Variants in LYSMD2 observed in about 807,000 individuals in gnomAD.
The protein encoded by LYSMD2 is lysM and putative peptidoglycan-binding domain-containing protein 2.
Under a neutral mutation model 17.7 loss-of-function variants are expected in LYSMD2, and 6 were observed. The ratio of observed to expected loss-of-function variants is 0.34; its 90% CI spans 0.19 to 0.67. The LOEUF is 0.67. LYSMD2 is among the 30% of genes least tolerant of loss of function. The pLI is 0.69. For synonymous variants in LYSMD2, 102 were observed against 129.8 expected, an observed-to-expected ratio of 0.79 and a Z score of 1.45; for missense variants, 237 against 286.7, an observed-to-expected ratio of 0.83 and a Z score of 1.25.
At chr15:51,740,982 A>G (rs769253840), upstream of LYSMD2, among the ~76,000 whole-genome samples, 4 of 152,252 alleles carry the variant, frequency 2.6e-5, no homozygotes, top group Non-Finnish European at 5.9e-5. Flanking sequence ...CTAATGTTAA[A>G]TTCATTAAAA....
intron 1 of LYSMD2, among the ~76,000 whole-genome samples, chr15:51,746,510 C>T (rs984981431): frequency 1.5e-4 from 23 of 152,218 alleles, no homozygotes; most frequent in African/African-American, 2.9e-4. Flanking sequence ...GTTTTGAAAA[C>T]GTTCTAAAGT....
upstream of LYSMD2, chr15:51,737,832 A>G (rs764229706): frequency 3.1e-4 from 101 of 324,566 alleles, no homozygotes; most frequent in Non-Finnish European, 5.3e-4. The surrounding 1 kb of genome is among the most constrained non-coding windows in gnomAD (Gnocchi z 4.2). Flanking sequence ...CGCCCGCGGC[A>G]CACGCACCTG....
Position 51,723,388 on chromosome 15 carries a change from C to T in LYSMD2, c.*219G>A, listed in dbSNP as rs1223215380. 4.2e-6 allele frequency: 2 copies of T among 478,682 alleles called. No individual in the cohort carries two copies. The highest frequency in any genetic ancestry group is 3.8e-5 in the Admixed American group (1 of 26,538). The allele number at this position is 478,682 out of a possible 1,614,324, so 29.7% of individuals were successfully genotyped here. A position where few individuals can be genotyped will look rare whatever the true frequency, so the allele number is the denominator to read the frequency against. On this transcript the variant is annotated 3_prime_UTR_variant, in exon 3 of 3. Coordinates refer to ENST00000267838, the MANE Select transcript of LYSMD2 (RefSeq NM_153374.3). ...ACCTACAAAAGTGATGAGCTTTAGG[C>T]TACAACCTTGCCATCATGCCATAAT...
chr15:51,748,926 A>C (rs549666288), intron 1 of LYSMD2, among the ~76,000 whole-genome samples: 8 of 152,340 alleles, frequency 5.3e-5, no homozygotes, highest in African/African-American at 1.9e-4. Context: ...TACATATTCC[A>C]CTGTGAATAA....
intron 1 of LYSMD2, among the ~76,000 whole-genome samples, chr15:51,733,203 T>C (rs1008501706): frequency 1.3e-5 from 2 of 151,930 alleles, no homozygotes; most frequent in Admixed American, 1.3e-4. Context: ...CTCCCTCCCT[T>C]ACCTCCTTCT....
chr15:51,723,403 C>T lies in LYSMD2; in HGVS notation c.*204G>A. Reference sequence around the variant, plus strand: ...GAGCTTTAGGCTACAACCTTGCCATCATGCCATAATAAAGACTTAAAATTA... The same window carrying T: ...GAGCTTTAGGCTACAACCTTGCCATTATGCCATAATAAAGACTTAAAATTA... On this transcript the variant is annotated 3_prime_UTR_variant, in exon 3 of 3. Transcript: ENST00000267838. 4.0e-6 allele frequency: 2 copies of T among 502,950 alleles called. No homozygotes were observed. Among genetic ancestry groups the T allele is most frequent in the Non-Finnish European group, 7.1e-6 (2 of 282,724 alleles). The allele number at this position is 502,950 out of a possible 1,614,324, so 31.2% of individuals were successfully genotyped here.
upstream of LYSMD2, among the ~76,000 whole-genome samples, chr15:51,740,702 T>G (rs2055638505): frequency 6.6e-6 from 1 of 151,982 alleles, no homozygotes; most frequent in Non-Finnish European, 1.5e-5. Context: ...ATCATATAAG[T>G]GTGAAAAAGA....
chr15:51,728,819 G>A (rs866523238), intron 1 of LYSMD2, among the ~76,000 whole-genome samples: 10 of 151,688 alleles, frequency 6.6e-5, no homozygotes, highest in African/African-American at 9.7e-5. Flanking sequence ...GCAGTAAGCC[G>A]AGATTGTGCC....
At chr15:51,735,727 G>A (rs2055604919) in intron 1 of LYSMD2, among the ~76,000 whole-genome samples, 1 of 152,210 alleles carries the variant, frequency 6.6e-6, no homozygotes, top group East Asian at 1.9e-4. Flanking sequence ...TTGATCAAAG[G>A]TGGAAAACTG....
At chr15:51,734,985 G>A (rs1361805034) in intron 1 of LYSMD2, among the ~76,000 whole-genome samples, 1 of 152,030 alleles carries the variant, frequency 6.6e-6, no homozygotes, top group African/African-American at 2.4e-5. Flanking sequence ...GACCAGCCTG[G>A]GCAACATAAT....
At chr15:51,737,718 C>T (rs892548409), upstream of LYSMD2, 30 of 927,724 alleles carry the variant, frequency 3.2e-5, no homozygotes, top group Middle Eastern at 4.0e-4. This position sits in a 1 kb window ranked among gnomAD's most constrained non-coding sequence, Gnocchi z 4.2. Flanking sequence ...TTCACAGGGG[C>T]TGCAGCAGGC....
In LYSMD2 at chr15:51,737,220, G is replaced by T; in HGVS notation, c.273+130C>A. 1 of 691,316 alleles carries T rather than the reference G, an allele frequency of 1.4e-6. No individual in the cohort carries two copies. The highest frequency in any genetic ancestry group is 2.0e-6 in the Non-Finnish European group (1 of 502,202). 42.8% of individuals were successfully genotyped at this position (691,316 alleles called of 1,614,324 possible). On this transcript the variant is annotated intron_variant, in intron 1 of 2. Transcript: ENST00000267838. The surrounding 1 kb of genome is among the most constrained non-coding windows in gnomAD (Gnocchi z 4.2). ...GAGCCGAGCCGCCCGGGGACGCACG[G>T]CCGTCCCTGCGACTCCCCATCCCCC... is the stretch of plus-strand genomic sequence containing the variant.
chr15:51,748,974 T>C (rs988972998), intron 1 of LYSMD2, among the ~76,000 whole-genome samples: 1 of 152,262 alleles, frequency 6.6e-6, no homozygotes, highest in African/African-American at 2.4e-5. Context: ...TTGAACTTTT[T>C]TCCTTTCTGC....
At chr15:51,740,700 A>T (rs999455637), upstream of LYSMD2, among the ~76,000 whole-genome samples, 19 of 152,226 alleles carry the variant, frequency 1.2e-4, no homozygotes, top group African/African-American at 4.3e-4. Flanking sequence ...CAATCATATA[A>T]GTGTGAAAAA....
chr15:51,736,111 T>C (rs1439978537), intron 1 of LYSMD2, among the ~76,000 whole-genome samples: 3 of 152,232 alleles, frequency 2.0e-5, no homozygotes, highest in African/African-American at 4.8e-5. Context: ...TGTAAAAAGA[T>C]TAATTACACC....
At chr15:51,743,972 C>T (rs2055655191) in intron 1 of LYSMD2, among the ~76,000 whole-genome samples, 1 of 152,026 alleles carries the variant, frequency 6.6e-6, no homozygotes, top group Non-Finnish European at 1.5e-5. Context: ...ATCCTACAAT[C>T]TTGTTATAAT....
At chr15:51,743,596 A>T (rs1203375891) in intron 1 of LYSMD2, among the ~76,000 whole-genome samples, 2 of 152,172 alleles carry the variant, frequency 1.3e-5, no homozygotes, top group African/African-American at 4.8e-5. Flanking sequence ...TTGCATTGGC[A>T]TTTCTAAGCC....
upstream of LYSMD2, among the ~76,000 whole-genome samples, chr15:51,742,509 C>A (rs2055648212): frequency 6.6e-6 from 1 of 152,214 alleles, no homozygotes; most frequent in Admixed American, 6.5e-5. Flanking sequence ...CATGTTGTAA[C>A]ATGTATCATG....
intron 1 of LYSMD2, among the ~76,000 whole-genome samples, chr15:51,747,571 T>C (rs537540233): frequency 5.6e-4 from 85 of 152,374 alleles, no homozygotes; most frequent in African/African-American, 2.0e-3. Context: ...AATTGTCTCA[T>C]TAATGTGAAT....
Sources: gnomAD v4.1 joint callset for allele counts (sites outside exome capture counted in the v4.1 genomes callset) on GRCh38, gnomAD v4.1.1 for gene constraint, Gnocchi (gnomAD v3.1) non-coding constraint, MANE v1.5 for transcripts, NCBI Gene and HGNC (gene_info 2026-07-23, HGNC 2026-07-21) for gene names.